The following GRAMD1B variants were observed in gnomAD, a reference collection of about 807,000 sequenced individuals.
The protein encoded by GRAMD1B is GRAM domain containing 1B.
A neutral mutation model predicts 99.7 loss-of-function variants in GRAMD1B; 37 were observed. The ratio of observed to expected loss-of-function variants is 0.37; its 90% CI spans 0.29 to 0.49. The LOEUF (loss-of-function observed/expected upper bound fraction) is 0.49. Ranked by LOEUF, GRAMD1B falls within the 20% of genes least tolerant of loss-of-function variation. GRAMD1B has a pLI of 0.98. For synonymous variants in GRAMD1B, 427 were observed against 387.6 expected (o/e 1.10, Z -1.19); for missense variants, 888 against 1,009.2 (o/e 0.88, Z 1.63).
intron 2 of GRAMD1B, among the ~76,000 whole-genome samples, chr11:123,546,805 A>T (rs779359257): frequency 4.6e-5 from 7 of 152,166 alleles, no homozygotes; most frequent in Non-Finnish European, 8.8e-5. Context: ...ACAGGGACCC[A>T]GCAGTGGGCA....
At chr11:123,447,347 T>G (rs1279995154) in intron 1 of GRAMD1B, among the ~76,000 whole-genome samples, 1 of 152,150 alleles carries the variant, frequency 6.6e-6, no homozygotes, top group Non-Finnish European at 1.5e-5. Flanking sequence ...AGCTGGTCAG[T>G]GACAGAGGTG....
chr11:123,408,672 C>T (rs1183895317), intron 1 of GRAMD1B, among the ~76,000 whole-genome samples: 2 of 152,260 alleles, frequency 1.3e-5, no homozygotes, highest in African/African-American at 2.4e-5. Context: ...TTTGGCAAGA[C>T]TACCTATGTG....
At chr11:123,494,784 C>A (rs1939031782) in intron 2 of GRAMD1B, among the ~76,000 whole-genome samples, 1 of 152,118 alleles carries the variant, frequency 6.6e-6, no homozygotes, top group Non-Finnish European at 1.5e-5. Flanking sequence ...GAAATTCCAT[C>A]CTCCTACCAG....
chr11:123,483,293 A>G (rs1951711524), intron 2 of GRAMD1B, among the ~76,000 whole-genome samples: 1 of 152,172 alleles, frequency 6.6e-6, no homozygotes, highest in Non-Finnish European at 1.5e-5. Context: ...TTCACGTTCC[A>G]GGTGGGACAG....
rs76269148 is a variant in GRAMD1B, at chr11:123,520,893, G to A, written c.452+40000G>A. Among the ~76,000 whole-genome samples, 350 of 152,184 alleles carry A rather than the reference G, an allele frequency of 2.3e-3. 2 individuals are homozygous for A. The highest frequency in any genetic ancestry group is 8.0e-3 in the African/African-American group (334 of 41,544). On this transcript the variant is annotated intron_variant, in intron 2 of 19. Coordinates refer to ENST00000635736, the MANE Select transcript of GRAMD1B (RefSeq NM_001387025.1). ...ACAATTGCAGGAGTACCTCTCACCTGTTCTGCTCCATTGCATGTGACTGAT... is the reference window on the plus strand; with the variant it reads ...ACAATTGCAGGAGTACCTCTCACCTATTCTGCTCCATTGCATGTGACTGAT...
chr11:123,457,327 C>G (rs1198171309), intron 1 of GRAMD1B, among the ~76,000 whole-genome samples: 2 of 152,148 alleles, frequency 1.3e-5, no homozygotes, highest in Admixed American at 1.3e-4. Flanking sequence ...TTAGCTGCCT[C>G]TAAACCACGT....
At chr11:123,571,701 T>C (rs1049092107) in intron 2 of GRAMD1B, among the ~76,000 whole-genome samples, 1 of 152,088 alleles carries the variant, frequency 6.6e-6, no homozygotes, top group African/African-American at 2.4e-5. Context: ...ATTTCAGGAA[T>C]CTCTAAAACA....
At position 123,587,521 on chromosome 11, in the gene GRAMD1B, A is replaced by G. The variant is rs1423276778; in HGVS notation, c.684+3189A>G. ...CAACCTGGCCAGGGCCACTGGGGCA[A>G]GAGGGGTGAAATTTACTCCCCCTCA... On this transcript the variant is annotated intron_variant, in intron 4 of 19. Transcript: ENST00000635736. This position sits in a 1 kb window ranked among gnomAD's most constrained non-coding sequence, Gnocchi z 4.2. Among the ~76,000 whole-genome samples, 1 of 152,206 alleles carries G rather than the reference A, an allele frequency of 6.6e-6. No homozygotes were observed. The highest frequency in any genetic ancestry group is 1.5e-5 in the Non-Finnish European group (1 of 68,030).
At chr11:123,548,318 A>G (rs1328483370) in intron 2 of GRAMD1B, among the ~76,000 whole-genome samples, 100 of 105,276 alleles carry the variant, frequency 9.5e-4, no homozygotes, top group African/African-American at 4.8e-3. Flanking sequence ...ATATATATAT[A>G]TATATATACA....
chr11:123,382,387 G>A (rs1362084175), intron 1 of GRAMD1B, among the ~76,000 whole-genome samples: 1 of 151,996 alleles, frequency 6.6e-6, no homozygotes, highest in African/African-American at 2.4e-5. Flanking sequence ...TTTTTTAGGG[G>A]ATTTCAGAGG....
At position 123,513,630 on chromosome 11, in the gene GRAMD1B, CTTTCTTTCTTTCTT is replaced by C. The variant is rs1941370229; in HGVS notation, c.452+32744_452+32757del. ...CCTTCCTTCCTTCCTTTCTTTCTTT[CTTTCTTTCTTTCTT>C]TTTCTTACCTTTCTTTCTTTCTTTC... On this transcript the variant is annotated intron_variant, in intron 2 of 19. Coordinates refer to ENST00000635736, the MANE Select transcript of GRAMD1B (RefSeq NM_001387025.1). 1.1e-4 allele frequency among the ~76,000 whole-genome samples: 15 copies of C among 131,502 alleles called. No individual in the cohort carries two copies. In the Admixed American group the frequency reaches 1.3e-3, roughly 12 times the overall value. The allele number at this position is 131,502 out of a possible 152,430, so 86.3% of individuals were successfully genotyped here.
At chr11:123,404,812 C>T (rs939147851) in intron 1 of GRAMD1B, among the ~76,000 whole-genome samples, 1 of 152,224 alleles carries the variant, frequency 6.6e-6, no homozygotes, top group Non-Finnish European at 1.5e-5. Context: ...AAGAGACAAA[C>T]GCAGCCTGCA....
chr11:123,423,779 C>T (rs1450369243), intron 1 of GRAMD1B, among the ~76,000 whole-genome samples: 1 of 152,174 alleles, frequency 6.6e-6, no homozygotes, highest in Non-Finnish European at 1.5e-5. Context: ...TTGTGTTCAT[C>T]TTCTACTAGC....
At chr11:123,537,125 A>G (rs1944048997) in intron 2 of GRAMD1B, among the ~76,000 whole-genome samples, 1 of 152,142 alleles carries the variant, frequency 6.6e-6, no homozygotes, top group African/African-American at 2.4e-5. Flanking sequence ...GGCAAGCATA[A>G]AAGGATGAGT....
At chr11:123,606,569 C>G (rs756844314) in intron 10 of GRAMD1B, 40 bp from the exon 11 acceptor site, 1 of 1,554,190 alleles carries the variant, frequency 6.4e-7, no homozygotes. Flanking sequence ...AGATCCAGAC[C>G]AGGTTTCCCT....
At chr11:123,560,123 G>A in intron 2 of GRAMD1B, 1 of 817,084 alleles carries the variant, frequency 1.2e-6, no homozygotes, top group Non-Finnish European at 1.5e-6. Context: ...ATAATTGAGC[G>A]CCGGCAAGCT....
At chr11:123,360,477 A>C (rs1343212604) in intron 1 of GRAMD1B, among the ~76,000 whole-genome samples, 1 of 152,194 alleles carries the variant, frequency 6.6e-6, no homozygotes, top group African/African-American at 2.4e-5. Context: ...GCTGGGCGTC[A>C]CTGGTGTTCA....
intron 2 of GRAMD1B, among the ~76,000 whole-genome samples, chr11:123,530,750 A>G (rs1333095298): frequency 6.6e-6 from 1 of 152,180 alleles, no homozygotes; most frequent in East Asian, 1.9e-4. Flanking sequence ...CACACCTCCT[A>G]TAGAGCCAGG....
intron 1 of GRAMD1B, among the ~76,000 whole-genome samples, chr11:123,400,888 C>T (rs1454531192): frequency 2.0e-5 from 3 of 152,130 alleles, no homozygotes; most frequent in South Asian, 4.2e-4. Flanking sequence ...CTATTACTAC[C>T]CTCATTTTAT....
Sources: allele counts gnomAD v4.1 joint callset (sites outside exome capture counted in the v4.1 genomes callset), GRCh38; gene constraint gnomAD v4.1.1; non-coding constraint Gnocchi (gnomAD v3.1); transcripts MANE v1.5; gene names NCBI Gene and HGNC (gene_info 2026-07-23, HGNC 2026-07-21).